The following CIMAP3 variants were observed in gnomAD, a reference collection of about 807,000 sequenced individuals.
CIMAP3 encodes ciliary microtubule-associated protein 3.
At chr1:111,336,258 G>A in the CIMAP3 span, among the ~76,000 whole-genome samples, 1 of 152,166 alleles carries the variant, frequency 6.6e-6, no homozygotes, top group Non-Finnish European at 1.5e-5. Flanking sequence ...GGAAAAAACA[G>A]AGAAGAAAAA....
chr1:111,340,955 C>G, the CIMAP3 span, among the ~76,000 whole-genome samples: 2 of 151,786 alleles, frequency 1.3e-5, no homozygotes, highest in East Asian at 1.9e-4. Flanking sequence ...TTGGAACCAA[C>G]CCAAATGTCC....
At chr1:111,346,957 T>C in the CIMAP3 span, 7 of 1,613,852 alleles carry the variant, frequency 4.3e-6, no homozygotes, top group Middle Eastern at 1.7e-4. Flanking sequence ...GAGGAAACTT[T>C]TTCCTCACTT....
the CIMAP3 span, chr1:111,351,630 A>C: frequency 4.3e-6 from 1 of 233,638 alleles, no homozygotes; most frequent in Non-Finnish European, 8.3e-6. Flanking sequence ...TCTAATTCCC[A>C]GGAGCCAATT....
the CIMAP3 span, among the ~76,000 whole-genome samples, chr1:111,337,424 C>T: frequency 6.6e-6 from 1 of 152,056 alleles, no homozygotes; most frequent in East Asian, 1.9e-4. Context: ...AGAGTCAAGA[C>T]CCATCACTGT....
At chr1:111,332,088 G>A in the CIMAP3 span, among the ~76,000 whole-genome samples, 1 of 152,342 alleles carries the variant, frequency 6.6e-6, no homozygotes, top group Non-Finnish European at 1.5e-5. Flanking sequence ...GCATGTGTGT[G>A]CATAGGGTGG....
chr1:111,347,161 TC>T, the CIMAP3 span: 1 of 1,279,854 alleles, frequency 7.8e-7, no homozygotes, highest in Non-Finnish European at 1.1e-6. Flanking sequence ...ATCTCCAGAG[TC>T]CCAGCATAAG....
chr1:111,336,865 A>C, the CIMAP3 span, among the ~76,000 whole-genome samples: 10 of 151,984 alleles, frequency 6.6e-5, no homozygotes, highest in East Asian at 3.8e-4. Context: ...AGATACTCCT[A>C]GAGAAGAGCA....
chr1:111,347,048 A>T, the CIMAP3 span: 1 of 1,610,288 alleles, frequency 6.2e-7, no homozygotes, highest in Non-Finnish European at 8.5e-7. Context: ...TATTTTTCAG[A>T]TGTGAGTATT....
the CIMAP3 span, among the ~76,000 whole-genome samples, chr1:111,350,659 A>T: frequency 0.11 from 17,053 of 152,218 alleles, 1,051 homozygotes; most frequent in Non-Finnish European, 0.13. Context: ...GATTATGGGG[A>T]CAAAACTGCC....
At chr1:111,352,996 A>G in the CIMAP3 span, 1 of 152,238 alleles carries the variant, frequency 6.6e-6, no homozygotes, top group African/African-American at 2.4e-5. Flanking sequence ...AAAGTAATAA[A>G]GTACAAATGA....
At chr1:111,340,820 C>A in the CIMAP3 span, among the ~76,000 whole-genome samples, 3 of 152,062 alleles carry the variant, frequency 2.0e-5, no homozygotes, top group African/African-American at 7.3e-5. Context: ...GGATCTAGAA[C>A]TAGAAATACC....
chr1:111,326,784 C>T, the CIMAP3 span, among the ~76,000 whole-genome samples: 14 of 152,224 alleles, frequency 9.2e-5, no homozygotes, highest in African/African-American at 2.4e-4. Context: ...AATAGCCATT[C>T]TAATTGGGGT....
the CIMAP3 span, among the ~76,000 whole-genome samples, chr1:111,337,376 T>A: frequency 2.0e-5 from 3 of 152,122 alleles, no homozygotes; most frequent in Non-Finnish European, 4.4e-5. Flanking sequence ...ATGGACTAAA[T>A]GCTCCAATTA....
chr1:111,329,555 ATAT>A, the CIMAP3 span, among the ~76,000 whole-genome samples: 1 of 58,452 alleles, frequency 1.7e-5, no homozygotes, highest in Admixed American at 1.4e-4. Context: ...ATATATATAT[ATAT>A]AATTTTTTTT....
At chr1:111,348,316 T>TAC in the CIMAP3 span, 1 of 457,194 alleles carries the variant, frequency 2.2e-6, no homozygotes, top group Non-Finnish European at 3.8e-6. Context: ...ACCTATATAT[T>TAC]ACGTATCACT....
chr1:111,338,984 C>A, the CIMAP3 span, among the ~76,000 whole-genome samples: 1 of 152,172 alleles, frequency 6.6e-6, no homozygotes, highest in African/African-American at 2.4e-5. Flanking sequence ...AATCCAGCAG[C>A]ACATCAAAAA....
the CIMAP3 span, among the ~76,000 whole-genome samples, chr1:111,327,585 G>A: frequency 2.6e-5 from 4 of 152,048 alleles, no homozygotes; most frequent in African/African-American, 7.2e-5. Flanking sequence ...CTCAGTCTTG[G>A]GAGGGTGTAT....
At chr1:111,347,049 T>A in the CIMAP3 span, 11 of 1,610,366 alleles carry the variant, frequency 6.8e-6, no homozygotes, top group Non-Finnish European at 8.5e-6. Flanking sequence ...ATTTTTCAGA[T>A]GTGAGTATTC....
the CIMAP3 span, among the ~76,000 whole-genome samples, chr1:111,337,165 C>T: frequency 5.3e-5 from 8 of 151,992 alleles, no homozygotes; most frequent in Non-Finnish European, 1.2e-4. Context: ...TTTGTCACCA[C>T]CAGGCCTGCC....
Sources: allele counts gnomAD v4.1 joint callset (sites outside exome capture counted in the v4.1 genomes callset), GRCh38; gene constraint gnomAD v4.1.1; transcripts MANE v1.5; gene names NCBI Gene and HGNC (gene_info 2026-07-23, HGNC 2026-07-21).